Variants in RGPD4 observed in about 807,000 individuals in gnomAD.
RGPD4 encodes RANBP2 like and GRIP domain containing 4, also known as ranBP2-like and GRIP domain-containing protein 4.
A neutral mutation model predicts 141.1 loss-of-function variants in RGPD4; 84 were observed. The ratio of observed to expected loss-of-function variants is 0.60; its 90% CI spans 0.50 to 0.71. The LOEUF is 0.71. Among genes scored for constraint, RGPD4 ranks in the 30% least tolerant of loss-of-function variants. The pLI is 0.00. For synonymous variants in RGPD4, 298 were observed against 566.8 expected (o/e 0.53, Z 6.74); for missense variants, 918 against 1,622.4 (o/e 0.57, Z 7.46).
At chr2:107,885,782 G>A (rs376036825) in intron 22 of RGPD4, among the ~76,000 whole-genome samples, 16 of 152,032 alleles carry the variant, frequency 1.1e-4, no homozygotes, top group East Asian at 1.9e-4. Flanking sequence ...GGCCTGGCAC[G>A]GTGGCTCACA....
At position 107,871,726 on chromosome 2, in the gene RGPD4, A is replaced by G. The variant is rs1299916653; in HGVS notation, c.3722A>G (p.Glu1241Gly). Reference sequence around the variant, plus strand: ...GACACAACAATAAAACCCAATCCTGAAAACACTGGGCCCACATTAGAATGG... The same window carrying G: ...GACACAACAATAAAACCCAATCCTGGAAACACTGGGCCCACATTAGAATGG... ...ASDTTIKPNP[E>G]NTGPTLEWDN... Residue 1241 changes from glutamate to glycine, a missense_variant, in exon 20 of 23, where the codon GAA (glutamate) becomes GGA (glycine). Physicochemically the swap from Glu to Gly is moderately conservative, Grantham distance 98. Transcript: ENST00000408999. 1.5e-5 allele frequency: 24 copies of G among 1,610,892 alleles called. No homozygotes were observed. The highest frequency in any genetic ancestry group is 1.9e-5 in the Non-Finnish European group (23 of 1,179,792).
At chr2:107,874,611 G>C (rs1273616763) in intron 20 of RGPD4, among the ~76,000 whole-genome samples, 1 of 150,962 alleles carries the variant, frequency 6.6e-6, no homozygotes, top group Non-Finnish European at 1.5e-5. Context: ...AAAAGTGAAT[G>C]TATACTTGCG....
At position 107,836,838 on chromosome 2, in the gene RGPD4, A is replaced by C. The variant is rs542465876; in HGVS notation, c.140+169A>C. ...AAGGACCAGCCTAGATTCCATTGAG[A>C]TTGAAACTGTAATTAGTGTTTTCTG... On this transcript the variant is annotated intron_variant, in intron 2 of 22. Transcript: ENST00000408999. Among the ~76,000 whole-genome samples, 301 of 72,770 alleles carry C rather than the reference A, an allele frequency of 4.1e-3. 98 individuals carry two copies. Among genetic ancestry groups the C allele is most frequent in the African/African-American group, 0.018 (294 of 15,956 alleles). 47.7% of individuals were successfully genotyped at this position (72,770 alleles called of 152,430 possible). A position where few individuals can be genotyped will look rare whatever the true frequency, so the allele number is the denominator to read the frequency against.
chr2:107,859,468 G>A lies in RGPD4; in HGVS notation c.1548G>A (p.Leu516=). ...ACAGCTCCTATCAGCCGTTATGCCTGCCCCTTCCTGTATGTAAACAGCTTT... is the reference window on the plus strand; with the variant it reads ...ACAGCTCCTATCAGCCGTTATGCCTACCCCTTCCTGTATGTAAACAGCTTT... ...SHHSSYQPLC[L]PLPVCKQLCT... Residue 516 remains leucine (L), a synonymous_variant, in exon 11 of 23, where the codon CTG becomes CTA. Coordinates refer to ENST00000408999, the MANE Select transcript of RGPD4 (RefSeq NM_182588.3). The A allele has an allele frequency of 6.2e-7, 1 of 1,611,140 alleles. No homozygotes were observed. Among genetic ancestry groups the A allele is most frequent in the East Asian group, 2.2e-5 (1 of 44,864 alleles).
At chr2:107,888,315 T>A (rs71419383) in intron 22 of RGPD4, among the ~76,000 whole-genome samples, 36,741 of 133,272 alleles carry the variant, frequency 0.28, 5,346 homozygotes, top group Non-Finnish European at 0.38. Flanking sequence ...GCAAAATTTT[T>A]ATTTTGTCAA....
rs745483408 is a variant in RGPD4, at chr2:107,859,458, C to T, written c.1538C>T (p.Pro513Leu). Residue 513 changes from proline to leucine, a missense_variant, in exon 11 of 23, where the codon CCG becomes CTG. Physicochemically the swap from Pro to Leu is moderately conservative, Grantham distance 98. Coordinates refer to ENST00000408999, the MANE Select transcript of RGPD4 (RefSeq NM_182588.3). ...KCNSHHSSYQ[P>L]LCLPLPVCKQ... The stretch of plus-strand genomic sequence containing the variant: ...AATTCTCACCACAGCTCCTATCAGC[C>T]GTTATGCCTGCCCCTTCCTGTATGT... 17 of 1,610,924 alleles carry T rather than the reference C, an allele frequency of 1.1e-5. No individual in the cohort carries two copies. The highest frequency in any genetic ancestry group is 8.9e-5 in the East Asian group (4 of 44,874).
At chr2:107,833,810 A>T (rs1275285001) in intron 1 of RGPD4, among the ~76,000 whole-genome samples, 1 of 152,140 alleles carries the variant, frequency 6.6e-6, no homozygotes, top group African/African-American at 2.4e-5. Flanking sequence ...AGGTGGAGGA[A>T]GTCAGATTAC....
intron 6 of RGPD4, among the ~76,000 whole-genome samples, chr2:107,844,623 A>G (rs1681849743): frequency 7.2e-6 from 1 of 138,936 alleles, no homozygotes; most frequent in African/African-American, 2.8e-5. Context: ...TTGAAAAAGT[A>G]CATAGTGTCC....
rs560332286 is a variant in RGPD4 at position 107,846,489 on chromosome 2, G to A, written c.783-1852G>A. Among the ~76,000 whole-genome samples, 144 of 150,982 alleles carry A rather than the reference G, an allele frequency of 9.5e-4. 4 individuals carry two copies. Among genetic ancestry groups the A allele is most frequent in the African/African-American group, 2.0e-3 (81 of 40,852 alleles). On this transcript the variant is annotated intron_variant, in intron 6 of 22. Coordinates refer to ENST00000408999, the MANE Select transcript of RGPD4 (RefSeq NM_182588.3). ...TAATTATAGCTTTTTTTTTTGAGACGGAGTTTTGCTCTTGTTGCCCAGGCT... is the reference window on the plus strand; with the variant it reads ...TAATTATAGCTTTTTTTTTTGAGACAGAGTTTTGCTCTTGTTGCCCAGGCT...
intron 20 of RGPD4, among the ~76,000 whole-genome samples, chr2:107,875,723 A>G (rs1344978348): frequency 2.6e-5 from 3 of 115,400 alleles, no homozygotes; most frequent in African/African-American, 1.0e-4. Context: ...GTTTTTATTT[A>G]ATTTTATCTA....
chr2:107,865,843 G>T (rs1687745576), intron 17 of RGPD4, among the ~76,000 whole-genome samples: 1 of 145,848 alleles, frequency 6.9e-6, no homozygotes, highest in South Asian at 2.2e-4. Context: ...GGCTGAGGTG[G>T]TGGATCACTT....
intron 1 of RGPD4, among the ~76,000 whole-genome samples, chr2:107,830,044 C>G (rs1484816264): frequency 6.6e-6 from 1 of 151,962 alleles, no homozygotes; most frequent in Non-Finnish European, 1.5e-5. Context: ...GCAAATGACA[C>G]GGAAAGTCCC....
intron 1 of RGPD4, among the ~76,000 whole-genome samples, chr2:107,827,806 C>G (rs1159665060): frequency 1.2e-4 from 3 of 25,602 alleles, no homozygotes; most frequent in South Asian, 2.1e-3. Flanking sequence ...CGACCCGGCC[C>G]GGCGGCGGCC....
In RGPD4 at chr2:107,826,964, C is replaced by T. The variant is rs754107533; in HGVS notation, c.-50C>T. 9.6e-6 allele frequency: 15 copies of T among 1,567,558 alleles called. No homozygotes were observed. Among genetic ancestry groups the T allele is most frequent in the Non-Finnish European group, 1.3e-5 (15 of 1,157,610 alleles). ...TTCCTGTTGGAATTGGCGACTGCTGCGGGGCTGAGCGCTGGTTTCACGCGT... is the reference window on the plus strand; with the variant it reads ...TTCCTGTTGGAATTGGCGACTGCTGTGGGGCTGAGCGCTGGTTTCACGCGT... On this transcript the variant is annotated 5_prime_UTR_variant, in exon 1 of 23. Transcript: ENST00000408999.
intron 17 of RGPD4, among the ~76,000 whole-genome samples, 177 bp from the exon 18 acceptor site, chr2:107,866,013 T>C (rs1164487902): frequency 7.1e-5 from 6 of 84,544 alleles, no homozygotes; most frequent in Admixed American, 6.1e-4. Flanking sequence ...GAGGTTGCGG[T>C]GAGCCAAGAT....
At chr2:107,890,682 A>G (rs756942090) in intron 22 of RGPD4, 39 bp from the exon 23 acceptor site, 2 of 1,558,520 alleles carry the variant, frequency 1.3e-6, no homozygotes, top group South Asian at 1.2e-5. Flanking sequence ...AAATTTTAAT[A>G]CTCTCTTTTT....
rs763897924 is a variant in RGPD4 at position 107,890,675 on chromosome 2, T to A, written c.5267-46T>A. 9 of 1,568,498 alleles carry A rather than the reference T, an allele frequency of 5.7e-6. No individual in the cohort carries two copies. In the East Asian group the frequency reaches 2.1e-4, roughly 36 times the overall value. On this transcript the variant is annotated intron_variant, in intron 22 of 22. Coordinates refer to ENST00000408999, the MANE Select transcript of RGPD4 (RefSeq NM_182588.3). ...AAAATATAGATTTTACATTGAGAAA[T>A]TTTAATACTCTCTTTTTTCTTTTTT...
At chr2:107,853,965 G>T (rs1157424033) in intron 7 of RGPD4, among the ~76,000 whole-genome samples, 2 of 139,130 alleles carry the variant, frequency 1.4e-5, no homozygotes, top group African/African-American at 2.8e-5. Flanking sequence ...GTTCAGGCTG[G>T]TCTTGAACTC....
In RGPD4 at chr2:107,838,347, G is replaced by C. The variant is rs1260530817; in HGVS notation, c.231G>C (p.Glu77Asp). 4.6e-5 allele frequency: 8 copies of C among 172,552 alleles called. 1 individual carries two copies. Among genetic ancestry groups the C allele is most frequent in the East Asian group, 2.5e-4 (6 of 24,194 alleles). 10.7% of individuals were successfully genotyped at this position (172,552 alleles called of 1,614,324 possible). The part of the protein sequence containing the change: ...GLLYELEENT[E>D]KAVECYRRSV... The stretch of plus-strand genomic sequence containing the variant: ...TTTATGAATTGGAAGAAAACACAGA[G>C]AAAGCCGTTGAATGTTACAGGGTAA... The change falls in exon 3 of 23, where the codon GAG (glutamate) becomes GAC (aspartate). Residue 77 changes from glutamate (E) to aspartate (D), a missense_variant. Coordinates refer to ENST00000408999, the MANE Select transcript of RGPD4 (RefSeq NM_182588.3).
Sources: allele counts gnomAD v4.1 joint callset (sites outside exome capture counted in the v4.1 genomes callset), GRCh38; gene constraint gnomAD v4.1.1; transcripts MANE v1.5; gene names NCBI Gene and HGNC (gene_info 2026-07-23, HGNC 2026-07-21).